The following CD46 variants were observed in gnomAD, a reference collection of about 807,000 sequenced individuals.
CD46 encodes membrane cofactor protein.
Under a neutral mutation model 53.3 loss-of-function variants are expected in CD46, and 30 were observed. That is an observed-to-expected ratio of 0.56 (90% CI 0.42 to 0.76). The LOEUF (loss-of-function observed/expected upper bound fraction) is 0.76, where lower values mean the gene tolerates loss of function less well. CD46 is among the 30% of genes least tolerant of loss of function. CD46 has a pLI of 0.00. For missense variants in CD46, 409 were observed against 463.0 expected, an observed-to-expected ratio of 0.88 and a Z score of 1.07; for synonymous variants, 142 against 152.0, an observed-to-expected ratio of 0.93 and a Z score of 0.48.
chr1:207,762,165 C>G (rs1249526018), intron 5 of CD46, among the ~76,000 whole-genome samples: 1 of 152,054 alleles, frequency 6.6e-6, no homozygotes, highest in Non-Finnish European at 1.5e-5. Context: ...TCTAAATAAC[C>G]CATGCATAAA....
chr1:207,764,891 C>T (rs7545126), intron 5 of CD46, among the ~76,000 whole-genome samples: 16,880 of 152,186 alleles, frequency 0.11, 1,077 homozygotes, highest in East Asian at 0.25. Context: ...CACAGCAATT[C>T]TACACAAGCG....
intron 11 of CD46, among the ~76,000 whole-genome samples, chr1:207,789,869 T>TG (rs1401701599): frequency 4.4e-5 from 4 of 91,822 alleles, no homozygotes; most frequent in Non-Finnish European, 8.4e-5. Flanking sequence ...TGCTGTGTCT[T>TG]GAAAAAAAAA....
chr1:207,753,243 G>C (rs1393572908), intron 1 of CD46, among the ~76,000 whole-genome samples: 1 of 152,196 alleles, frequency 6.6e-6, no homozygotes, highest in Non-Finnish European at 1.5e-5. Flanking sequence ...CAAACCTAGT[G>C]AGAAATTAGT....
rs1166385014 is a variant in CD46 at position 207,767,115 on chromosome 1, G to GT, written c.781dup (p.Tyr261LeufsTer11). On this transcript the variant is annotated frameshift_variant, in exon 6 of 13. Transcript: ENST00000367042. LOFTEE classifies it high-confidence loss of function. ...ACAGTTATGTTTGAATGCGATAAGG[G>GT]TTTTTACCTCGATGGCAGCGACACA... 6.2e-7 allele frequency: 1 copy of GT among 1,613,858 alleles called. No homozygotes were observed. The highest frequency in any genetic ancestry group is 8.5e-7 in the Non-Finnish European group (1 of 1,179,790).
chr1:207,788,467 G>C (rs147925388), intron 11 of CD46, among the ~76,000 whole-genome samples: 1 of 152,026 alleles, frequency 6.6e-6, no homozygotes, highest in Non-Finnish European at 1.5e-5. Flanking sequence ...TGCAGTGAGC[G>C]AGATTGCGCC....
intron 4 of CD46, chr1:207,760,386 A>G (rs1479887681): frequency 6.6e-6 from 1 of 152,260 alleles, no homozygotes; most frequent in Non-Finnish European, 1.5e-5. Context: ...GAAAAATATC[A>G]CTATATTCTT....
chr1:207,765,790 T>C (rs1011483471), intron 5 of CD46, among the ~76,000 whole-genome samples: 11 of 152,202 alleles, frequency 7.2e-5, no homozygotes, highest in Admixed American at 7.2e-4. Flanking sequence ...AAACATACTC[T>C]TATCATACAA....
chr1:207,767,668 C>T lies in CD46; in HGVS notation c.857-111C>T, dbSNP rs1404586633. ...GTCATTCAGGTTTAGTAGCTTCTTC[C>T]TTATATGTCTTCTTCCTTATATGTT... On this transcript the variant is annotated intron_variant, in intron 6 of 12. Transcript: ENST00000367042. The T allele has an allele frequency of 6.2e-7, 1 of 1,608,760 alleles. No individual in the cohort carries two copies. The highest frequency in any genetic ancestry group is 1.7e-5 in the Admixed American group (1 of 59,998).
At chr1:207,783,249 CCTT>C in intron 8 of CD46, 40 bp from the exon 9 acceptor site, 1 of 1,065,968 alleles carries the variant, frequency 9.4e-7, no homozygotes, top group East Asian at 2.4e-5. Context: ...TTAATTCTTT[CCTT>C]CTTTTATTAA....
At chr1:207,767,449 T>C in intron 6 of CD46, 1 of 761,284 alleles carries the variant, frequency 1.3e-6, no homozygotes, top group South Asian at 1.5e-5. Context: ...TATATGCTTT[T>C]AATATTTTTA....
Position 207,794,858 on chromosome 1 carries a change from T to C in CD46, c.*1381T>C, listed in dbSNP as rs1660112926. Reference sequence around the variant, plus strand: ...CACTGTTAAAAGTTGTGTTTTGAAATTTTATGTTTAGTTGCACAAATTGGG... The same window carrying C: ...CACTGTTAAAAGTTGTGTTTTGAAACTTTATGTTTAGTTGCACAAATTGGG... On this transcript the variant is annotated 3_prime_UTR_variant, in exon 13 of 13. Transcript: ENST00000367042. 1 of 152,226 alleles carries C rather than the reference T, an allele frequency of 6.6e-6. No homozygotes were observed. Among genetic ancestry groups the C allele is most frequent in the Admixed American group, 6.5e-5 (1 of 15,280 alleles). 9.4% of individuals were successfully genotyped at this position (152,226 alleles called of 1,614,324 possible).
chr1:207,791,433 G>A (rs940142222), intron 12 of CD46, among the ~76,000 whole-genome samples: 2 of 152,172 alleles, frequency 1.3e-5, no homozygotes, highest in Non-Finnish European at 2.9e-5. Context: ...CTAACCACAG[G>A]TACTGTGATA....
chr1:207,777,364 G>T (rs1287647629), intron 8 of CD46, among the ~76,000 whole-genome samples: 2 of 151,972 alleles, frequency 1.3e-5, no homozygotes, highest in African/African-American at 4.8e-5. Context: ...AGATTTGGGG[G>T]TACAGGTGAA....
At chr1:207,770,272 A>T (rs370124655) in intron 7 of CD46, 49 bp from the exon 8 acceptor site, 1 of 1,308,380 alleles carries the variant, frequency 7.6e-7, no homozygotes, top group African/African-American at 1.5e-5. Flanking sequence ...TCATAATTTT[A>T]TATTGATAAG....
intron 12 of CD46, among the ~76,000 whole-genome samples, 161 bp from the exon 13 acceptor site, chr1:207,793,358 T>C (rs972550707): frequency 1.3e-5 from 2 of 152,252 alleles, no homozygotes; most frequent in Admixed American, 1.3e-4. Context: ...GTGAGACCAG[T>C]TGAACATTTG....
At chr1:207,781,532 G>A (rs1002665625) in intron 8 of CD46, among the ~76,000 whole-genome samples, 2 of 152,070 alleles carry the variant, frequency 1.3e-5, no homozygotes, top group African/African-American at 2.4e-5. Flanking sequence ...CATTTCCTCT[G>A]TTTTCTTCTG....
intron 8 of CD46, among the ~76,000 whole-genome samples, chr1:207,780,230 G>C (rs1658601769): frequency 6.6e-6 from 1 of 151,744 alleles, no homozygotes; most frequent in Non-Finnish European, 1.5e-5. Context: ...TCATGAATTT[G>C]CCTATTCTAG....
chr1:207,752,283 T>G lies in CD46; in HGVS notation c.71T>G (p.Met24Arg). The G allele has an allele frequency of 6.2e-7, 1 of 1,614,068 alleles. No individual in the cohort carries two copies. The highest frequency in any genetic ancestry group is 8.5e-7 in the Non-Finnish European group (1 of 1,179,980). ...WRFPGLLLAAMVLLLYSFSDA... is the reference protein window; with the variant it reads ...WRFPGLLLAARVLLLYSFSDA... ...TTTCCTGGGTTGCTTCTGGCGGCCA[T>G]GGTGTTGCTGCTGTACTCCTTCTCC... is the stretch of plus-strand genomic sequence containing the variant. Residue 24 changes from methionine (M) to arginine (R), a missense_variant, in exon 1 of 13, where the codon ATG (methionine) becomes AGG (arginine). Met to Arg is a moderately conservative substitution (Grantham distance 91). Transcript: ENST00000367042. This position sits in a 1 kb window ranked among gnomAD's most constrained non-coding sequence, Gnocchi z 4.1.
rs192876552 is a variant in CD46, at chr1:207,771,084, A to G, written c.943+722A>G. Reference sequence around the variant, plus strand: ...ATCTGTTGTTCCTGACTTTTTAATAATCGCCAATCTAACTGGCGTGAGTGG... The same window carrying G: ...ATCTGTTGTTCCTGACTTTTTAATAGTCGCCAATCTAACTGGCGTGAGTGG... On this transcript the variant is annotated intron_variant, in intron 8 of 12. Coordinates refer to ENST00000367042, the MANE Select transcript of CD46 (RefSeq NM_172351.3). 2.8e-3 allele frequency among the ~76,000 whole-genome samples: 422 copies of G among 152,278 alleles called. 2 individuals are homozygous for G. The highest frequency in any genetic ancestry group is 3.7e-3 in the Non-Finnish European group (252 of 68,014).
Sources: allele counts gnomAD v4.1 joint callset (sites outside exome capture counted in the v4.1 genomes callset), GRCh38; gene constraint gnomAD v4.1.1; non-coding constraint Gnocchi (gnomAD v3.1); transcripts MANE v1.5; gene names NCBI Gene and HGNC (gene_info 2026-07-23, HGNC 2026-07-21).